The following MCC variants were observed in gnomAD, a reference collection of about 807,000 sequenced individuals.
MCC encodes the protein colorectal mutant cancer protein.
MCC carries 90 observed loss-of-function variants against 116.2 expected under a neutral mutation model. That is an observed-to-expected ratio of 0.77 (90% CI 0.65 to 0.92). The LOEUF (loss-of-function observed/expected upper bound fraction) is 0.92. Among genes scored for constraint, MCC ranks in the 40% least tolerant of loss-of-function variants. The pLI is 0.00. For synonymous variants in MCC, 578 were observed against 510.5 expected (o/e 1.13, Z -1.78); for missense variants, 1,516 against 1,312.2 (o/e 1.16, Z -2.40).
intron 1 of MCC, among the ~76,000 whole-genome samples, chr5:113,457,701 C>T (rs1228675810): frequency 6.8e-6 from 1 of 147,508 alleles, no homozygotes; most frequent in Non-Finnish European, 1.5e-5. Flanking sequence ...GGTTTGTAAA[C>T]ACACCAATCA....
chr5:113,231,692 A>G (rs1210696600), intron 3 of MCC, among the ~76,000 whole-genome samples: 2 of 152,226 alleles, frequency 1.3e-5, no homozygotes, highest in African/African-American at 4.8e-5. Flanking sequence ...GTTACAAGTC[A>G]TGTCTCTAAG....
intron 5 of MCC, among the ~76,000 whole-genome samples, chr5:113,132,541 T>C (rs375568272): frequency 6.6e-6 from 1 of 151,604 alleles, no homozygotes; most frequent in African/African-American, 2.4e-5. Flanking sequence ...CAACTGGTCA[T>C]GAGGCTATAG....
At chr5:113,477,882 T>C (rs955044257) in intron 1 of MCC, among the ~76,000 whole-genome samples, 1 of 152,148 alleles carries the variant, frequency 6.6e-6, no homozygotes. Flanking sequence ...ATATCTGGCA[T>C]CCAATTAAAT....
intron 1 of MCC, among the ~76,000 whole-genome samples, chr5:113,472,420 C>G (rs962346690): frequency 1.3e-5 from 2 of 152,182 alleles, no homozygotes. Context: ...CCTTCCTAAG[C>G]AGTTTGCATT....
chr5:113,173,244 C>G (rs1475302974), intron 3 of MCC, among the ~76,000 whole-genome samples: 2 of 152,150 alleles, frequency 1.3e-5, no homozygotes, highest in African/African-American at 4.8e-5. Context: ...TAGCTACCAA[C>G]ATTTTCTTCA....
At chr5:113,367,052 C>T (rs1768705568) in intron 2 of MCC, among the ~76,000 whole-genome samples, 1 of 152,170 alleles carries the variant, frequency 6.6e-6, no homozygotes, top group African/African-American at 2.4e-5. Context: ...CCTCACTCCT[C>T]AACCTCCCAA....
chr5:113,222,945 G>A (rs958679530), intron 3 of MCC, among the ~76,000 whole-genome samples: 5 of 152,208 alleles, frequency 3.3e-5, no homozygotes, highest in African/African-American at 1.2e-4. Flanking sequence ...CAAAGGCGAA[G>A]AAGGCAAGGA....
chr5:113,266,613 C>T (rs529066529), intron 3 of MCC, among the ~76,000 whole-genome samples: 1 of 152,268 alleles, frequency 6.6e-6, no homozygotes, highest in South Asian at 2.1e-4. Flanking sequence ...AACTCCTACG[C>T]TCAACTAATC....
At chr5:113,218,208 C>T (rs1763400166) in intron 3 of MCC, among the ~76,000 whole-genome samples, 1 of 152,108 alleles carries the variant, frequency 6.6e-6, no homozygotes. Flanking sequence ...ATTGGCTTAT[C>T]GCCTCAGCTA....
intron 3 of MCC, chr5:113,294,238 G>T: frequency 6.5e-7 from 1 of 1,532,988 alleles, no homozygotes; most frequent in South Asian, 1.1e-5. Flanking sequence ...GGGGGATAGG[G>T]TGTAGGGCTG....
chr5:113,053,525 A>G (rs1580935774), intron 15 of MCC, among the ~76,000 whole-genome samples, 200 bp downstream of exon 15: 1 of 110 alleles, frequency 9.1e-3, no homozygotes, highest in African/African-American at 0.024. Flanking sequence ...AATCCCTTAG[A>G]AATTCAACTC....
At chr5:113,308,019 C>G (rs565845191) in intron 3 of MCC, among the ~76,000 whole-genome samples, 2 of 150,994 alleles carry the variant, frequency 1.3e-5, no homozygotes, top group East Asian at 2.0e-4. Flanking sequence ...GTCACCTAGG[C>G]TGGAGTGCAG....
intron 2 of MCC, among the ~76,000 whole-genome samples, chr5:113,367,832 G>A (rs1235858711): frequency 6.6e-6 from 1 of 152,142 alleles, no homozygotes; most frequent in East Asian, 1.9e-4. Flanking sequence ...TGGGCCACCT[G>A]GTGGTCTGGC....
chr5:113,192,735 G>A (rs564597191), intron 3 of MCC, among the ~76,000 whole-genome samples: 40 of 152,332 alleles, frequency 2.6e-4, no homozygotes, highest in African/African-American at 8.9e-4. Context: ...AACCTGCTAA[G>A]CCTCCTTATA....
Position 113,053,822 on chromosome 5 carries a change from TG to T in MCC, c.2350del (p.His784ThrfsTer32). ...KLTMLELESI[H>X]IDPLSYDVKP... ...GACGTCATAGCTGAGAGGATCGATG[TG>T]GATGCTTTCCAGCTCCAGCATGGTC... On this transcript the variant is annotated frameshift_variant, in exon 15 of 19. Coordinates refer to ENST00000408903, the MANE Select transcript of MCC (RefSeq NM_001085377.2). LOFTEE classifies it high-confidence loss of function. 6.2e-7 allele frequency: 1 copy of T among 1,614,192 alleles called. No individual in the cohort carries two copies. Among genetic ancestry groups the T allele is most frequent in the South Asian group, 1.1e-5 (1 of 91,088 alleles).
At chr5:113,028,461 AT>A (rs1347798858) in intron 18 of MCC, among the ~76,000 whole-genome samples, 1 of 152,200 alleles carries the variant, frequency 6.6e-6, no homozygotes, top group Non-Finnish European at 1.5e-5. Context: ...GTATCAATAA[AT>A]ACAACTTACA....
intron 16 of MCC, among the ~76,000 whole-genome samples, chr5:113,046,563 G>C (rs746967032): frequency 6.6e-6 from 1 of 151,668 alleles, no homozygotes; most frequent in Non-Finnish European, 1.5e-5. Context: ...AGGAACTAGG[G>C]GAAAATGCTC....
At chr5:113,292,498 C>T (rs757800997) in intron 3 of MCC, among the ~76,000 whole-genome samples, 1 of 152,120 alleles carries the variant, frequency 6.6e-6, no homozygotes, top group Non-Finnish European at 1.5e-5. Context: ...CCAGCCAATG[C>T]AGGGACTACA....
chr5:113,271,533 C>T (rs1765618334), intron 3 of MCC, among the ~76,000 whole-genome samples: 1 of 152,166 alleles, frequency 6.6e-6, no homozygotes, highest in South Asian at 2.1e-4. Flanking sequence ...GAGTAACCAT[C>T]CAGGATTGCC....
Sources: allele counts gnomAD v4.1 joint callset (sites outside exome capture counted in the v4.1 genomes callset), GRCh38; gene constraint gnomAD v4.1.1; transcripts MANE v1.5; gene names NCBI Gene and HGNC (gene_info 2026-07-23, HGNC 2026-07-21).